The following PHTF2 variants were observed in gnomAD, a reference collection of about 807,000 sequenced individuals.
The protein encoded by PHTF2 is protein PHTF2.
A neutral mutation model predicts 101.2 loss-of-function variants in PHTF2; 60 were observed. The ratio of observed to expected loss-of-function variants is 0.59; its 90% confidence interval spans 0.48 to 0.73. The LOEUF is 0.73. Ranked by LOEUF, PHTF2 falls within the 30% of genes least tolerant of loss-of-function variation. The probability of loss-of-function intolerance (pLI) is 0.00; values close to 1 mark genes in which losing one functional copy is unlikely to be tolerated. For synonymous variants in PHTF2, 311 were observed against 307.3 expected, an observed-to-expected ratio of 1.01 and a Z score of -0.13; for missense variants, 747 against 908.7, an observed-to-expected ratio of 0.82 and a Z score of 2.29.
chr7:77,893,661 C>A, exon 4 of PHTF2: 2 of 1,310,602 alleles, frequency 1.5e-6, no homozygotes, highest in Non-Finnish European at 1.1e-6. Context: ...AGAGAGAAAT[C>A]AAGGTAAGGA....
chr7:77,942,503 ACT>A (rs1805709643), intron 15 of PHTF2, among the ~76,000 whole-genome samples, 195 bp from the exon 15 acceptor site: 1 of 152,128 alleles, frequency 6.6e-6, no homozygotes, highest in Non-Finnish European at 1.5e-5. Context: ...TACCCTTTTA[ACT>A]CTGTTGCAAT....
At chr7:77,915,756 G>A (rs1295916405) in intron 9 of PHTF2, among the ~76,000 whole-genome samples, 1 of 152,092 alleles carries the variant, frequency 6.6e-6, no homozygotes, top group Non-Finnish European at 1.5e-5. Context: ...GTGTTGCTAA[G>A]GGTGCACTGT....
intron 1 of PHTF2, among the ~76,000 whole-genome samples, chr7:77,810,113 C>T (rs1168417586): frequency 1.3e-5 from 2 of 150,894 alleles, no homozygotes; most frequent in African/African-American, 2.4e-5. Context: ...TCCTGTATAC[C>T]CTTCACCCAG....
chr7:77,838,004 G>C (rs1220662710), intron 1 of PHTF2, among the ~76,000 whole-genome samples: 3 of 152,042 alleles, frequency 2.0e-5, no homozygotes, highest in Non-Finnish European at 4.4e-5. Context: ...AGTGAAAAGA[G>C]GGTAAAGTGA....
chr7:77,945,627 A>T (rs984091086), intron 16 of PHTF2, among the ~76,000 whole-genome samples: 1 of 152,212 alleles, frequency 6.6e-6, no homozygotes, highest in African/African-American at 2.4e-5. Flanking sequence ...TAAAAGAAAG[A>T]GCACACTATT....
intron 3 of PHTF2, chr7:77,854,908 G>T: frequency 1.5e-6 from 1 of 680,088 alleles, no homozygotes; most frequent in Non-Finnish European, 2.7e-6. Context: ...GTCCAGAAAT[G>T]CTGACCAGGA....
chr7:77,947,050 G>T (rs1478437006), intron 16 of PHTF2, among the ~76,000 whole-genome samples: 5 of 151,930 alleles, frequency 3.3e-5, no homozygotes, highest in Non-Finnish European at 7.4e-5. Context: ...AGCCTTGGGA[G>T]GTCAAGGCTG....
chr7:77,893,663 A>G (rs1205594001), exon 4 of PHTF2: 3 of 1,290,868 alleles, frequency 2.3e-6, no homozygotes, highest in African/African-American at 2.9e-5. Flanking sequence ...AGAGAAATCA[A>G]GGTAAGGAGT....
intron 1 of PHTF2, among the ~76,000 whole-genome samples, chr7:77,834,549 G>C (rs562092510): frequency 6.6e-6 from 1 of 152,098 alleles, no homozygotes; most frequent in Non-Finnish European, 1.5e-5. Context: ...CTATACTCAC[G>C]TGTCTGTGCT....
At chr7:77,822,135 C>T (rs903082499) in intron 1 of PHTF2, among the ~76,000 whole-genome samples, 1 of 152,140 alleles carries the variant, frequency 6.6e-6, no homozygotes, top group African/African-American at 2.4e-5. Flanking sequence ...GGCAGGTTTG[C>T]CTTAGGTGGG....
chr7:77,820,699 T>C (rs1218523727), intron 1 of PHTF2, among the ~76,000 whole-genome samples: 1 of 152,210 alleles, frequency 6.6e-6, no homozygotes, highest in Non-Finnish European at 1.5e-5. Flanking sequence ...TAGTTCAGCA[T>C]TTCTGTGGTA....
Position 77,951,599 on chromosome 7 carries a change from C to G in PHTF2, c.2116-18C>G. ...GTATTTATTATAATTTGAAGCATTTCTATTCTTTTTATAAAAGATAAACCT... is the reference window on the plus strand; with the variant it reads ...GTATTTATTATAATTTGAAGCATTTGTATTCTTTTTATAAAAGATAAACCT... On this transcript the variant is annotated intron_variant, in intron 17 of 19. Coordinates refer to ENST00000416283, the Ensembl canonical transcript of PHTF2. The G allele has an allele frequency of 9.8e-7, 1 of 1,023,282 alleles. No homozygotes were observed. Among genetic ancestry groups the G allele is most frequent in the Non-Finnish European group, 1.4e-6 (1 of 694,306 alleles). The allele number at this position is 1,023,282 out of a possible 1,614,324, so 63.4% of individuals were successfully genotyped here. A position where few individuals can be genotyped will look rare whatever the true frequency, so the allele number is the denominator to read the frequency against.
chr7:77,951,170 T>C (rs1282669379), intron 17 of PHTF2, among the ~76,000 whole-genome samples: 1 of 152,144 alleles, frequency 6.6e-6, no homozygotes, highest in Non-Finnish European at 1.5e-5. Context: ...AACAAGGCAT[T>C]GTGACTGCCT....
At chr7:77,917,468 G>A (rs1026075933) in intron 9 of PHTF2, among the ~76,000 whole-genome samples, 1 of 152,136 alleles carries the variant, frequency 6.6e-6, no homozygotes, top group South Asian at 2.1e-4. Flanking sequence ...TATTTCTATA[G>A]CTATCCAGGT....
At chr7:77,890,599 CTTTTTTTT>C (rs747882978) in intron 3 of PHTF2, among the ~76,000 whole-genome samples, 1 of 84,208 alleles carries the variant, frequency 1.2e-5, no homozygotes, top group African/African-American at 4.9e-5. Flanking sequence ...AATAGTTACA[CTTTTTTTT>C]TTTTTTTTTT....
chr7:77,840,731 TAA>T, intron 2 of PHTF2, among the ~76,000 whole-genome samples: 1 of 152,148 alleles, frequency 6.6e-6, no homozygotes, highest in Non-Finnish European at 1.5e-5. Flanking sequence ...ACTGAAATAT[TAA>T]AGTGTTTATT....
chr7:77,945,328 A>T (rs1428210979), intron 16 of PHTF2, among the ~76,000 whole-genome samples: 2 of 152,188 alleles, frequency 1.3e-5, no homozygotes. Flanking sequence ...ACAGAAAGAG[A>T]CTGTCTCCAA....
chr7:77,821,358 G>A (rs1361192619), intron 1 of PHTF2, among the ~76,000 whole-genome samples: 1 of 152,106 alleles, frequency 6.6e-6, no homozygotes, highest in Non-Finnish European at 1.5e-5. Flanking sequence ...TGAGCTTCCC[G>A]GACCTAGATG....
At chr7:77,833,067 T>C (rs1283064203) in intron 1 of PHTF2, among the ~76,000 whole-genome samples, 6 of 152,158 alleles carry the variant, frequency 3.9e-5, no homozygotes, top group Non-Finnish European at 5.9e-5. Context: ...TGTACTGCAG[T>C]TACTGCAGTA....
Sources: allele counts gnomAD v4.1 joint callset (sites outside exome capture counted in the v4.1 genomes callset), GRCh38; gene constraint gnomAD v4.1.1; transcripts MANE v1.5; gene names NCBI Gene and HGNC (gene_info 2026-07-23, HGNC 2026-07-21).